Variants in FAM178B observed in about 807,000 individuals in gnomAD.
FAM178B encodes the protein family with sequence similarity 178 member B.
In FAM178B, 82 loss-of-function variants were observed where a neutral mutation model predicts 91.7. That is an observed-to-expected ratio of 0.89 (90% CI 0.75 to 1.07). The LOEUF (loss-of-function observed/expected upper bound fraction) is 1.07, where lower values mean the gene tolerates loss of function less well. Among genes scored for constraint, FAM178B ranks in the 50% least tolerant of loss-of-function variants. FAM178B has a pLI of 0.00. For synonymous variants in FAM178B, 368 were observed against 359.4 expected, an observed-to-expected ratio of 1.02 and a Z score of -0.27; for missense variants, 769 against 846.7, an observed-to-expected ratio of 0.91 and a Z score of 1.14.
chr2:96,950,943 C>T (rs1037843057), intron 7 of FAM178B, among the ~76,000 whole-genome samples: 1 of 152,166 alleles, frequency 6.6e-6, no homozygotes, highest in African/African-American at 2.4e-5. Context: ...CCTCCCGCTG[C>T]GTATGGGATG....
chr2:96,903,184 C>T (rs559816646), intron 12 of FAM178B, among the ~76,000 whole-genome samples: 2 of 152,174 alleles, frequency 1.3e-5, no homozygotes, highest in Non-Finnish European at 2.9e-5. Context: ...GGACTACAGG[C>T]GCCCGCCACC....
At chr2:96,967,911 C>CTTTTTTTTTTTTTTTTTTTTTTTTTTTTT (rs60965536) in intron 4 of FAM178B, among the ~76,000 whole-genome samples, 3 of 62,418 alleles carry the variant, frequency 4.8e-5, no homozygotes, top group Non-Finnish European at 9.0e-5. Context: ...CCTGTTTGGT[C>CTTTTTTTTTTTTTTTTTTTTTTTTTTTTT]TTTTTTTTTT....
intron 9 of FAM178B, among the ~76,000 whole-genome samples, chr2:96,926,556 T>C (rs2081442616): frequency 6.6e-6 from 1 of 152,204 alleles, no homozygotes; most frequent in Non-Finnish European, 1.5e-5. Context: ...CTGAGGATGC[T>C]GATGAGCTCC....
chr2:96,937,039 A>G lies in FAM178B; in HGVS notation c.1079-7719T>C, dbSNP rs753388318. ...GTAGCCAGGACTACAGGCACACACC[A>G]CAATGCCCAGGTTTTGTTGTTGTTG... On this transcript the variant is annotated intron_variant, in intron 8 of 16. Coordinates refer to ENST00000490605, the MANE Select transcript of FAM178B (RefSeq NM_001122646.3). Among the ~76,000 whole-genome samples the G allele has an allele frequency of 2.0e-5, 3 of 152,048 alleles. No individual in the cohort carries two copies. In the South Asian group the frequency reaches 6.2e-4, roughly 32 times the overall value.
intron 12 of FAM178B, among the ~76,000 whole-genome samples, chr2:96,908,085 G>A (rs1428087924): frequency 1.2e-4 from 18 of 152,244 alleles, no homozygotes; most frequent in Admixed American, 9.8e-4. Flanking sequence ...TCTTCATTGC[G>A]CACTTGCCAG....
At chr2:96,930,159 TGCACTCCA>T (rs915506574) in intron 8 of FAM178B, among the ~76,000 whole-genome samples, 2 of 126,730 alleles carry the variant, frequency 1.6e-5, no homozygotes, top group African/African-American at 6.1e-5. Flanking sequence ...ATAGAGCCAC[TGCACTCCA>T]GCACTCCAGC....
intron 5 of FAM178B, 21 bp from the exon 6 acceptor site, chr2:96,960,461 A>C (rs1458475934): frequency 6.6e-7 from 1 of 1,522,478 alleles, no homozygotes; most frequent in Admixed American, 2.0e-5. Flanking sequence ...AAGGGGCAGG[A>C]GGGCCGGGCA....
At chr2:96,898,589 G>A (rs2080866705) in intron 13 of FAM178B, among the ~76,000 whole-genome samples, 3 of 152,204 alleles carry the variant, frequency 2.0e-5, no homozygotes, top group Admixed American at 2.0e-4. Flanking sequence ...GGGAGGTTGG[G>A]GCTGCAGTGA....
chr2:96,929,447 A>T, intron 8 of FAM178B, 127 bp from the exon 9 acceptor site: 1 of 672,110 alleles, frequency 1.5e-6, no homozygotes, highest in Non-Finnish European at 2.7e-6. Flanking sequence ...CTGACACCAC[A>T]GGTGTTATCT....
intron 8 of FAM178B, chr2:96,938,912 A>C (rs992989442): frequency 1.3e-5 from 2 of 152,400 alleles, no homozygotes; most frequent in African/African-American, 4.8e-5. Flanking sequence ...TGGAGTTAAG[A>C]AGAAAGTCAG....
At chr2:96,940,319 G>A (rs1012840406) in intron 8 of FAM178B, among the ~76,000 whole-genome samples, 1 of 152,170 alleles carries the variant, frequency 6.6e-6, no homozygotes, top group Non-Finnish European at 1.5e-5. Flanking sequence ...CAGGAGACGC[G>A]ACCTGCAGAT....
chr2:96,897,834 G>T, intron 13 of FAM178B: 1 of 379,744 alleles, frequency 2.6e-6, no homozygotes, highest in Non-Finnish European at 3.6e-6. Flanking sequence ...CCAAATCCTT[G>T]CAGGGGCTCC....
chr2:96,907,985 C>T (rs1156736032), intron 12 of FAM178B, among the ~76,000 whole-genome samples: 1 of 152,270 alleles, frequency 6.6e-6, no homozygotes, highest in Non-Finnish European at 1.5e-5. Context: ...GCCTGACATG[C>T]TGCCTCAGGG....
rs1322739046 is a variant in FAM178B at position 96,921,211 on chromosome 2, G to A, written c.1516C>T (p.Leu506=). ...GGGAAGAACTGCACGAGGGCCAGCA[G>A]GTTGTGGTGGTGGTCAGACACCCAG... ...LSWVSDHHHN[L]LALVQFFPDM... The change falls in exon 12 of 17, where the codon CTG becomes TTG. Residue 506 remains leucine (L), a synonymous_variant. Transcript: ENST00000490605. 2 of 1,551,502 alleles carry A rather than the reference G, an allele frequency of 1.3e-6. No homozygotes were observed. The highest frequency in any genetic ancestry group is 2.4e-5 in the East Asian group (1 of 40,908).
chr2:96,914,222 G>A (rs569056574), intron 12 of FAM178B, among the ~76,000 whole-genome samples: 17 of 152,298 alleles, frequency 1.1e-4, no homozygotes, highest in Non-Finnish European at 2.4e-4. Context: ...GGAAAGGGAG[G>A]TTGTGCAGAG....
chr2:96,901,604 T>C (rs1322304442), intron 13 of FAM178B, among the ~76,000 whole-genome samples: 1 of 152,216 alleles, frequency 6.6e-6, no homozygotes, highest in Non-Finnish European at 1.5e-5. Context: ...TTTGTTTTTA[T>C]GCTTTACTAT....
At position 96,976,209 on chromosome 2, in the gene FAM178B, C is replaced by T. The variant is rs1266900094; in HGVS notation, c.74-3603G>A. Among the ~76,000 whole-genome samples, 24 of 151,894 alleles carry T rather than the reference C, an allele frequency of 1.6e-4. 1 individual carries two copies. Among genetic ancestry groups the T allele is most frequent in the Non-Finnish European group, 2.1e-4 (14 of 67,990 alleles). ...TCCCAGGTTCAAGCGATTCTCCTGCCTCAGCCTCCGAGTAGCTGGGACTAC... is the reference window on the plus strand; with the variant it reads ...TCCCAGGTTCAAGCGATTCTCCTGCTTCAGCCTCCGAGTAGCTGGGACTAC... On this transcript the variant is annotated intron_variant, in intron 1 of 16. Transcript: ENST00000490605.
At chr2:96,945,937 T>A (rs1294066753) in intron 8 of FAM178B, among the ~76,000 whole-genome samples, 1 of 152,146 alleles carries the variant, frequency 6.6e-6, no homozygotes, top group Non-Finnish European at 1.5e-5. Flanking sequence ...CTACCATCCA[T>A]CTCCGAACTC....
At chr2:96,910,670 C>T (rs987126221) in intron 12 of FAM178B, among the ~76,000 whole-genome samples, 3 of 152,208 alleles carry the variant, frequency 2.0e-5, no homozygotes, top group African/African-American at 7.2e-5. Flanking sequence ...AGACCACGAA[C>T]AAGCTCTGAG....
Sources: gnomAD v4.1 joint callset for allele counts (sites outside exome capture counted in the v4.1 genomes callset) on GRCh38, gnomAD v4.1.1 for gene constraint, MANE v1.5 for transcripts, NCBI Gene and HGNC (gene_info 2026-07-23, HGNC 2026-07-21) for gene names.